UIMC1: variants seen among roughly 807,000 people sequenced by gnomAD.
UIMC1 encodes the protein ubiquitin interaction motif containing 1.
A neutral mutation model predicts 84.9 loss-of-function variants in UIMC1; 42 were observed. That is an observed-to-expected ratio of 0.49 (90% CI 0.39 to 0.64). UIMC1 has a LOEUF of 0.64. Among genes scored for constraint, UIMC1 ranks in the 30% least tolerant of loss-of-function variants. UIMC1 has a pLI of 0.00. For missense variants in UIMC1, 825 were observed against 847.6 expected, an observed-to-expected ratio of 0.97 and a Z score of 0.33; for synonymous variants, 281 against 293.0, an observed-to-expected ratio of 0.96 and a Z score of 0.42.
upstream of UIMC1, among the ~76,000 whole-genome samples, chr5:177,011,634 T>A (rs945543257): frequency 6.6e-6 from 1 of 151,726 alleles, no homozygotes; most frequent in Non-Finnish European, 1.5e-5. Flanking sequence ...AGAAAACATA[T>A]GGGAAAATCT....
chr5:176,989,976 C>A (rs1043040449), intron 1 of UIMC1, among the ~76,000 whole-genome samples: 2 of 151,854 alleles, frequency 1.3e-5, no homozygotes, highest in African/African-American at 4.8e-5. Flanking sequence ...GTCAGGAGAT[C>A]GAGACCATCC....
At chr5:177,010,584 G>A (rs1775524737), upstream of UIMC1, among the ~76,000 whole-genome samples, 1 of 152,000 alleles carries the variant, frequency 6.6e-6, no homozygotes, top group Non-Finnish European at 1.5e-5. Flanking sequence ...CTGTTGCCCA[G>A]GCTGGAGTGC....
At chr5:176,971,557 C>T (rs903475846) in intron 3 of UIMC1, among the ~76,000 whole-genome samples, 8 of 152,144 alleles carry the variant, frequency 5.3e-5, no homozygotes, top group Non-Finnish European at 8.8e-5. Flanking sequence ...AAAATGGAAC[C>T]GAAGCATCAA....
chr5:177,011,083 C>T (rs1236034804), upstream of UIMC1, among the ~76,000 whole-genome samples: 3 of 151,536 alleles, frequency 2.0e-5, no homozygotes, highest in African/African-American at 4.8e-5. Flanking sequence ...CCCAGCTACT[C>T]GGGAGGCTGA....
chr5:176,963,404 C>G (rs993736441), intron 6 of UIMC1, among the ~76,000 whole-genome samples: 1 of 151,748 alleles, frequency 6.6e-6, no homozygotes, highest in African/African-American at 2.4e-5. Flanking sequence ...GCCTGTGACC[C>G]CAGCTACTCA....
intron 10 of UIMC1, among the ~76,000 whole-genome samples, chr5:176,937,350 C>A (rs2149433570): frequency 6.6e-6 from 1 of 152,178 alleles, no homozygotes; most frequent in East Asian, 1.9e-4. Context: ...AAAAAATTAG[C>A]CGAGCGTGGT....
intron 9 of UIMC1, 66 bp from the exon 10 acceptor site, chr5:176,943,554 A>G: frequency 2.6e-6 from 4 of 1,554,470 alleles, no homozygotes; most frequent in Non-Finnish European, 3.5e-6. Flanking sequence ...AACGAACTGC[A>G]AGAGACTCCA....
rs150583640 is a variant in UIMC1 at position 176,955,371 on chromosome 5, A to C, written c.1339+588T>G. On this transcript the variant is annotated intron_variant, in intron 8 of 14. Transcript: ENST00000511320. ...TAAAAATAATGACAGAACATGCACA[A>C]AACTCAATTTCTGAACCTCCTATGC... Among the ~76,000 whole-genome samples the C allele has an allele frequency of 2.6e-3, 397 of 152,312 alleles. 1 individual carries two copies. The highest frequency in any genetic ancestry group is 6.1e-3 in the Admixed American group (93 of 15,300).
rs1769404836 is a variant in UIMC1 at position 176,972,519 on chromosome 5, T to G, written c.233-1653A>C. Among the ~76,000 whole-genome samples, 4 of 152,136 alleles carry G rather than the reference T, an allele frequency of 2.6e-5. No homozygotes were observed. The South Asian group carries it at 8.3e-4, about 31-fold the overall frequency. On this transcript the variant is annotated intron_variant, in intron 3 of 14. Transcript: ENST00000511320. ...GGGAGGCCAAGCCAGGCAGATCACC[T>G]GAGGTCAGGAGTTTGAGACCAGCCT...
intron 1 of UIMC1, among the ~76,000 whole-genome samples, chr5:177,003,660 A>C (rs1774858624): frequency 1.3e-5 from 2 of 152,032 alleles, no homozygotes; most frequent in Admixed American, 6.6e-5. Flanking sequence ...CTCAAAAACA[A>C]ACAAACAAAC....
intron 10 of UIMC1, among the ~76,000 whole-genome samples, chr5:176,942,931 G>A (rs578100361): frequency 6.6e-5 from 10 of 150,390 alleles, no homozygotes; most frequent in Admixed American, 6.6e-5. Flanking sequence ...GCATGGTGGC[G>A]CAAGCCTGTA....
chr5:176,911,225 A>C, intron 11 of UIMC1, 86 bp downstream of exon 11: 1 of 1,097,072 alleles, frequency 9.1e-7, no homozygotes, highest in East Asian at 2.8e-5. Flanking sequence ...AAAGAAATAC[A>C]GGGTAAGATA....
intron 10 of UIMC1, among the ~76,000 whole-genome samples, chr5:176,921,067 A>G (rs1197021394): frequency 2.0e-5 from 3 of 152,188 alleles, no homozygotes; most frequent in East Asian, 3.8e-4. Flanking sequence ...TCTATGATAC[A>G]GTATATTAAC....
At chr5:176,925,669 C>T (rs1319692455) in intron 10 of UIMC1, among the ~76,000 whole-genome samples, 1 of 151,986 alleles carries the variant, frequency 6.6e-6, no homozygotes, top group Non-Finnish European at 1.5e-5. Context: ...TGAAAGATTA[C>T]ATAAAAGTAT....
At chr5:176,937,865 A>G (rs1331114315) in intron 10 of UIMC1, among the ~76,000 whole-genome samples, 1 of 152,128 alleles carries the variant, frequency 6.6e-6, no homozygotes, top group Non-Finnish European at 1.5e-5. Context: ...GCATTGGGCT[A>G]ATGGTCTCCC....
chr5:176,988,655 G>C (rs1772373001), intron 1 of UIMC1, among the ~76,000 whole-genome samples: 1 of 150,612 alleles, frequency 6.6e-6, no homozygotes, highest in Non-Finnish European at 1.5e-5. Context: ...TAAAATGACT[G>C]AAATGGTAGA....
chr5:176,951,393 A>T, intron 9 of UIMC1, 81 bp downstream of exon 9: 2 of 1,093,546 alleles, frequency 1.8e-6, no homozygotes, highest in Non-Finnish European at 1.3e-6. Context: ...AAATCTTTTC[A>T]GCCAATGTCA....
chr5:176,928,979 C>T (rs1394883421), intron 10 of UIMC1, among the ~76,000 whole-genome samples: 2 of 151,814 alleles, frequency 1.3e-5, no homozygotes, highest in African/African-American at 2.4e-5. Flanking sequence ...ATTGGCCGGG[C>T]GTGGTGGCTT....
At chr5:176,952,977 A>G (rs894066373) in intron 8 of UIMC1, among the ~76,000 whole-genome samples, 1 of 152,192 alleles carries the variant, frequency 6.6e-6, no homozygotes, top group Non-Finnish European at 1.5e-5. Flanking sequence ...CCCTAATGTG[A>G]TAATATTAGG....
Sources: allele counts gnomAD v4.1 joint callset (sites outside exome capture counted in the v4.1 genomes callset), GRCh38; gene constraint gnomAD v4.1.1; transcripts MANE v1.5; gene names NCBI Gene and HGNC (gene_info 2026-07-23, HGNC 2026-07-21).